RANBP17: variants seen among roughly 807,000 people sequenced by gnomAD.
RANBP17 encodes the protein RAN binding protein 17.
Under a neutral mutation model 141.2 loss-of-function variants are expected in RANBP17, and 158 were observed. That is an observed-to-expected ratio of 1.12 (90% CI 0.98 to 1.28). The LOEUF is 1.28. RANBP17 is among the 50% of genes most tolerant of loss of function. The pLI is 0.00. For missense variants in RANBP17, 1,438 were observed against 1,290.7 expected (o/e 1.11, Z -1.75); for synonymous variants, 430 against 450.0 (o/e 0.96, Z 0.56).
At chr5:171,033,688 C>T (rs894260908) in intron 14 of RANBP17, among the ~76,000 whole-genome samples, 2 of 151,934 alleles carry the variant, frequency 1.3e-5, no homozygotes, top group Non-Finnish European at 2.9e-5. Flanking sequence ...GGTAGTGGCA[C>T]TATAATTAGA....
intron 4 of RANBP17, among the ~76,000 whole-genome samples, chr5:170,894,102 G>C (rs1441547903): frequency 6.6e-6 from 1 of 152,122 alleles, no homozygotes; most frequent in African/African-American, 2.4e-5. Context: ...AGTGTTCTTA[G>C]CTCTGAGGAG....
At chr5:171,065,920 G>T (rs1454758433) in intron 14 of RANBP17, among the ~76,000 whole-genome samples, 1 of 151,616 alleles carries the variant, frequency 6.6e-6, no homozygotes, top group Non-Finnish European at 1.5e-5. Flanking sequence ...AAGTGCAGTG[G>T]TATGGTCTCG....
At chr5:170,974,111 A>G (rs912827282) in intron 14 of RANBP17, among the ~76,000 whole-genome samples, 1 of 152,198 alleles carries the variant, frequency 6.6e-6, no homozygotes, top group Non-Finnish European at 1.5e-5. Flanking sequence ...AGTTTATCCT[A>G]CAATCAGCTC....
intron 14 of RANBP17, among the ~76,000 whole-genome samples, chr5:170,979,922 G>A (rs1172183958): frequency 1.3e-5 from 2 of 152,212 alleles, no homozygotes. Context: ...GGAGAGCTCA[G>A]AAGAAGACAG....
intron 24 of RANBP17, among the ~76,000 whole-genome samples, chr5:171,251,294 G>A (rs1400729642): frequency 1.3e-5 from 2 of 151,878 alleles, no homozygotes; most frequent in African/African-American, 4.8e-5. Flanking sequence ...TGTCCAGGCT[G>A]GTCTCAAACT....
At chr5:171,030,489 ATCTC>A (rs1235232413) in intron 14 of RANBP17, among the ~76,000 whole-genome samples, 1 of 152,034 alleles carries the variant, frequency 6.6e-6, no homozygotes, top group Non-Finnish European at 1.5e-5. Flanking sequence ...CTCCAGTGGT[ATCTC>A]TCTTGAACAG....
At chr5:170,926,378 A>G (rs1772921775) in intron 12 of RANBP17, among the ~76,000 whole-genome samples, 1 of 151,996 alleles carries the variant, frequency 6.6e-6, no homozygotes, top group Non-Finnish European at 1.5e-5. Flanking sequence ...CCTCCTAGGT[A>G]TTTTACTTTT....
intron 1 of RANBP17, among the ~76,000 whole-genome samples, chr5:170,871,438 T>C (rs111610479): frequency 0.06 from 9,174 of 152,206 alleles, 352 homozygotes; most frequent in East Asian, 0.12. Context: ...CTTTGTCACA[T>C]GGGTTGATTG....
intron 24 of RANBP17, chr5:171,252,367 T>A: frequency 6.5e-7 from 1 of 1,537,928 alleles, no homozygotes; most frequent in Non-Finnish European, 9.0e-7. Context: ...TGAAACCAGA[T>A]GTCTTACTTG....
At chr5:171,259,538 TA>T (rs1162591971) in intron 24 of RANBP17, among the ~76,000 whole-genome samples, 2 of 152,090 alleles carry the variant, frequency 1.3e-5, no homozygotes, top group Non-Finnish European at 1.5e-5. Context: ...TGTTCAGCCA[TA>T]AAAAAAGAAT....
At position 171,265,790 on chromosome 5, in the gene RANBP17, C is replaced by T. The variant is rs887881011; in HGVS notation, c.2886C>T (p.Thr962=). 6.2e-7 allele frequency: 1 copy of T among 1,613,942 alleles called. No individual in the cohort carries two copies. Among genetic ancestry groups the T allele is most frequent in the Non-Finnish European group, 8.5e-7 (1 of 1,180,006 alleles). ...AGCCACTTCGATGCAGAGAGGCTAC[C>T]CAGGCTGGTCAGAGACTATTACATT... ...GKKPLRCREA[T]QAGQRLLHFM... The change falls in exon 25 of 28, where the codon ACC becomes ACT. Residue 962 remains threonine, a synonymous_variant. Coordinates refer to ENST00000523189, the MANE Select transcript of RANBP17 (RefSeq NM_022897.5).
rs138804122 is a variant in RANBP17 at position 170,971,570 on chromosome 5, C to T, written c.1710+3193C>T. ...TCTTTCCACTGGGATGTTGAATGGG[C>T]CCTTGAAACTTATTTCCAAAAAGGA... On this transcript the variant is annotated intron_variant, in intron 14 of 27. Coordinates refer to ENST00000523189, the MANE Select transcript of RANBP17 (RefSeq NM_022897.5). Among the ~76,000 whole-genome samples, 325 of 152,204 alleles carry T rather than the reference C, an allele frequency of 2.1e-3. 2 individuals are homozygous for T. The highest frequency in any genetic ancestry group is 3.8e-3 in the Non-Finnish European group (260 of 68,006).
In RANBP17 at chr5:171,242,810, C is replaced by T; in HGVS notation, c.2766C>T (p.Leu922=). Residue 922 remains leucine, a synonymous_variant, in exon 24 of 28, where the codon CTC becomes CTT. Coordinates refer to ENST00000523189, the MANE Select transcript of RANBP17 (RefSeq NM_022897.5). ...MYVLTSISEG[L]TTLDTVVSSS... ...TTCTCACATCTATCTCAGAGGGACTCACTACTCTTGGTAAGGATCATAGAG... is the reference window on the plus strand; with the variant it reads ...TTCTCACATCTATCTCAGAGGGACTTACTACTCTTGGTAAGGATCATAGAG... 6.2e-7 allele frequency: 1 copy of T among 1,613,666 alleles called. No homozygotes were observed. Among genetic ancestry groups the T allele is most frequent in the Non-Finnish European group, 8.5e-7 (1 of 1,179,696 alleles).
intron 14 of RANBP17, among the ~76,000 whole-genome samples, chr5:171,002,958 G>T (rs1779324126): frequency 6.6e-6 from 1 of 152,182 alleles, no homozygotes; most frequent in Admixed American, 6.5e-5. Flanking sequence ...GAGTACAACT[G>T]AAGGAGCCAG....
chr5:171,058,319 A>T (rs1468040268), intron 14 of RANBP17, among the ~76,000 whole-genome samples: 74 of 60,528 alleles, frequency 1.2e-3, no homozygotes, highest in Non-Finnish European at 1.8e-3. Flanking sequence ...CCCTCCCCCC[A>T]CCCCACAACA....
intron 14 of RANBP17, among the ~76,000 whole-genome samples, chr5:170,987,896 G>T (rs777626768): frequency 6.6e-6 from 1 of 151,212 alleles, no homozygotes; most frequent in Non-Finnish European, 1.5e-5. Context: ...AAAAATATGG[G>T]CTTAGTTTTT....
At chr5:170,902,711 A>G (rs893674622) in intron 5 of RANBP17, among the ~76,000 whole-genome samples, 1 of 151,882 alleles carries the variant, frequency 6.6e-6, no homozygotes, top group Non-Finnish European at 1.5e-5. Context: ...TTTTGTGTGG[A>G]TGTCCTTTTT....
rs369037414 is a variant in RANBP17 at position 170,919,586 on chromosome 5, G to A, written c.1247G>A (p.Arg416Gln). The A allele has an allele frequency of 1.2e-5, 20 of 1,603,050 alleles. No individual in the cohort carries two copies. The highest frequency in any genetic ancestry group is 1.7e-4 in the Middle Eastern group (1 of 6,002). ...PEITKAFITS[R>Q]LDSVAIVVRD... ...ATCACGAAGGCCTTTATCACTTCTC[G>A]GTTGGACTCTGTTGCCATAGTTGTG... The change falls in exon 11 of 28, where the codon CGG (arginine) becomes CAG (glutamine). Residue 416 changes from arginine to glutamine, a missense_variant. Physicochemically the swap from Arg to Gln is conservative, Grantham distance 43 (BLOSUM62 1). Coordinates refer to ENST00000523189, the MANE Select transcript of RANBP17 (RefSeq NM_022897.5).
chr5:171,140,812 G>A (rs1183430651), intron 14 of RANBP17, among the ~76,000 whole-genome samples: 1 of 152,152 alleles, frequency 6.6e-6, no homozygotes, highest in Non-Finnish European at 1.5e-5. Flanking sequence ...TTGTATCCAA[G>A]GACCTCTTCA....
Sources: allele counts gnomAD v4.1 joint callset (sites outside exome capture counted in the v4.1 genomes callset), GRCh38; gene constraint gnomAD v4.1.1; transcripts MANE v1.5; gene names NCBI Gene and HGNC (gene_info 2026-07-23, HGNC 2026-07-21).